The following DPYD variants were observed in gnomAD, a reference collection of about 807,000 sequenced individuals.
DPYD encodes dihydropyrimidine dehydrogenase [NADP(+)].
DPYD carries 109 observed loss-of-function variants against 116.2 expected under a neutral mutation model. The ratio of observed to expected loss-of-function variants is 0.94; its 90% CI spans 0.80 to 1.10. The LOEUF (loss-of-function observed/expected upper bound fraction) is 1.10, where lower values mean the gene tolerates loss of function less well. Among genes scored for constraint, DPYD ranks in the 50% least tolerant of loss-of-function variants. The probability of loss-of-function intolerance (pLI) is 0.00; values close to 1 mark genes in which losing one functional copy is unlikely to be tolerated. For missense variants in DPYD, 1,302 were observed against 1,254.5 expected (o/e 1.04, Z -0.57); for synonymous variants, 440 against 432.0 (o/e 1.02, Z -0.23).
intron 16 of DPYD, among the ~76,000 whole-genome samples, chr1:97,352,133 ACT>A (rs1029769732): frequency 2.0e-5 from 3 of 152,178 alleles, no homozygotes; most frequent in African/African-American, 7.2e-5. Flanking sequence ...TTCTCAAATA[ACT>A]CTAAATAAAA....
At chr1:97,725,031 T>C (rs1378443034) in intron 4 of DPYD, among the ~76,000 whole-genome samples, 1 of 151,342 alleles carries the variant, frequency 6.6e-6, no homozygotes, top group African/African-American at 2.4e-5. Context: ...TATTTCCATG[T>C]AAAATGATCT....
At chr1:97,232,509 T>G (rs1489141961) in intron 19 of DPYD, among the ~76,000 whole-genome samples, 1 of 152,164 alleles carries the variant, frequency 6.6e-6, no homozygotes, top group Non-Finnish European at 1.5e-5. Flanking sequence ...ACCTCTCCTC[T>G]GGGACTCTGA....
intron 8 of DPYD, among the ~76,000 whole-genome samples, chr1:97,615,903 G>C (rs1656239019): frequency 6.6e-6 from 1 of 151,972 alleles, no homozygotes; most frequent in Non-Finnish European, 1.5e-5. Flanking sequence ...CATTACCCCT[G>C]AGTTAAGATT....
chr1:97,631,676 T>G (rs1374445365), intron 8 of DPYD, among the ~76,000 whole-genome samples: 1 of 152,002 alleles, frequency 6.6e-6, no homozygotes, highest in African/African-American at 2.4e-5. Context: ...AAGACACACA[T>G]ACATACCACA....
At chr1:97,849,580 C>A (rs893309731) in intron 2 of DPYD, among the ~76,000 whole-genome samples, 5 of 151,612 alleles carry the variant, frequency 3.3e-5, no homozygotes, top group Non-Finnish European at 5.9e-5. Flanking sequence ...TAGAAACTGA[C>A]AGAGCCTAGA....
chr1:97,171,321 A>C (rs1557909662), intron 20 of DPYD, among the ~76,000 whole-genome samples: 1 of 152,304 alleles, frequency 6.6e-6, no homozygotes, highest in South Asian at 2.1e-4. Flanking sequence ...TAAGTATTGT[A>C]TTATTTCTAC....
At chr1:97,687,720 T>A (rs963740027) in intron 7 of DPYD, among the ~76,000 whole-genome samples, 1 of 152,068 alleles carries the variant, frequency 6.6e-6, no homozygotes, top group Non-Finnish European at 1.5e-5. Flanking sequence ...AGACATGGAA[T>A]CAACCAAAAT....
At chr1:97,177,870 C>G (rs2101791786) in intron 20 of DPYD, among the ~76,000 whole-genome samples, 1 of 152,214 alleles carries the variant, frequency 6.6e-6, no homozygotes, top group Non-Finnish European at 1.5e-5. Flanking sequence ...CTGGGAAGTT[C>G]AAGATTGAGA....
At chr1:97,134,014 AATATATAT>A (rs1165027630) in intron 20 of DPYD, among the ~76,000 whole-genome samples, 1,087 of 18,172 alleles carry the variant, frequency 0.06, 18 homozygotes, top group Non-Finnish European at 0.089. Flanking sequence ...AAAAAAAAAA[AATATATAT>A]ATATATATAT....
intron 14 of DPYD, among the ~76,000 whole-genome samples, chr1:97,410,009 T>C (rs1166720454): frequency 6.6e-6 from 1 of 151,482 alleles, no homozygotes; most frequent in Non-Finnish European, 1.5e-5. Context: ...AAGGTTGCAG[T>C]GAGCTGAGAT....
chr1:97,412,100 A>G (rs1674030760), intron 14 of DPYD, among the ~76,000 whole-genome samples: 1 of 152,190 alleles, frequency 6.6e-6, no homozygotes, highest in Non-Finnish European at 1.5e-5. Context: ...CTTCAATTCA[A>G]CTAGTCATTT....
chr1:97,381,442 A>C (rs1001153085), intron 15 of DPYD, among the ~76,000 whole-genome samples: 5 of 152,216 alleles, frequency 3.3e-5, no homozygotes, highest in African/African-American at 7.2e-5. Flanking sequence ...CATGCCAAGC[A>C]TGGGCTCTGT....
At position 97,207,812 on chromosome 1, in the gene DPYD, A is replaced by G. The variant is rs1386781493; in HGVS notation, c.2443-14564T>C. Among the ~76,000 whole-genome samples the G allele has an allele frequency of 4.6e-5, 7 of 152,228 alleles. No homozygotes were observed. In the South Asian group the frequency reaches 1.5e-3, roughly 32 times the overall value. ...ATTTTTTTGGGTTTCTGCATCACGC[A>G]CCAATAGAGGTCAGTCCAGCATTCT... On this transcript the variant is annotated intron_variant, in intron 19 of 22. Transcript: ENST00000370192.
chr1:97,544,486 T>C (rs761648550), intron 12 of DPYD, among the ~76,000 whole-genome samples: 6 of 152,194 alleles, frequency 3.9e-5, no homozygotes, highest in Admixed American at 2.6e-4. Flanking sequence ...TTCCTAGCAA[T>C]ATGTGTTTTT....
chr1:97,836,644 G>GA (rs965961640), intron 2 of DPYD, among the ~76,000 whole-genome samples: 13 of 149,600 alleles, frequency 8.7e-5, no homozygotes, highest in Admixed American at 4.7e-4. Flanking sequence ...TCTCTGATTG[G>GA]AAAAAAAAAC....
intron 3 of DPYD, among the ~76,000 whole-genome samples, chr1:97,799,978 G>C (rs983510656): frequency 2.0e-5 from 3 of 151,960 alleles, no homozygotes; most frequent in Non-Finnish European, 4.4e-5. Flanking sequence ...TGATATTTAT[G>C]CTCCTCAGGA....
chr1:97,902,348 C>T (rs934107821), intron 1 of DPYD, among the ~76,000 whole-genome samples: 3 of 151,714 alleles, frequency 2.0e-5, no homozygotes, highest in African/African-American at 7.2e-5. Context: ...ACATTGCCTA[C>T]GAGCCTACTT....
chr1:97,427,024 T>C (rs937027262), intron 14 of DPYD, among the ~76,000 whole-genome samples: 3 of 152,116 alleles, frequency 2.0e-5, no homozygotes, highest in African/African-American at 7.2e-5. Context: ...ACTTTATTTT[T>C]ATGCAGTATA....
At chr1:97,579,188 T>C (rs1653470316) in intron 10 of DPYD, among the ~76,000 whole-genome samples, 1 of 152,184 alleles carries the variant, frequency 6.6e-6, no homozygotes, top group African/African-American at 2.4e-5. Context: ...ATCAAGTGAA[T>C]GTCACATGGA....
Sources: gnomAD v4.1 joint callset for allele counts (sites outside exome capture counted in the v4.1 genomes callset) on GRCh38, gnomAD v4.1.1 for gene constraint, MANE v1.5 for transcripts, NCBI Gene and HGNC (gene_info 2026-07-23, HGNC 2026-07-21) for gene names.